The following DFFB variants were observed in gnomAD, a reference collection of about 807,000 sequenced individuals.
DFFB encodes the protein DNA fragmentation factor 40 kDa subunit.
In DFFB, 29 loss-of-function variants were observed where a neutral mutation model predicts 32.7. The ratio of observed to expected loss-of-function variants is 0.89; its 90% CI spans 0.66 to 1.21. The LOEUF (loss-of-function observed/expected upper bound fraction) is 1.21, where lower values mean the gene tolerates loss of function less well. Among genes scored for constraint, DFFB ranks in the 50% most tolerant of loss-of-function variants. DFFB has a pLI of 0.00. For synonymous variants in DFFB, 170 were observed against 177.1 expected, an observed-to-expected ratio of 0.96 and a Z score of 0.32; for missense variants, 398 against 440.6, an observed-to-expected ratio of 0.90 and a Z score of 0.87.
chr1:3,872,357 A>G lies in DFFB; in HGVS notation c.682-115A>G, dbSNP rs373523795. The stretch of plus-strand genomic sequence containing the variant: ...CAACACGGGAGGCGGAGGTTGTAGT[A>G]AGCCGAGATCGGGCCACTGCACTCC... On this transcript the variant is annotated intron_variant, in intron 5 of 6. Coordinates refer to ENST00000378209, the MANE Select transcript of DFFB (RefSeq NM_004402.4). 4.3e-4 allele frequency: 305 copies of G among 708,990 alleles called. 1 individual carries two copies. The highest frequency in any genetic ancestry group is 3.0e-3 in the South Asian group (172 of 56,974). The allele number at this position is 708,990 out of a possible 1,614,324, so 43.9% of individuals were successfully genotyped here. A position where few individuals can be genotyped will look rare whatever the true frequency, so the allele number is the denominator to read the frequency against.
chr1:3,866,121 G>A (rs2124736652), intron 3 of DFFB, 121 bp downstream of exon 3: 1 of 840,290 alleles, frequency 1.2e-6, no homozygotes, highest in Non-Finnish European at 1.9e-6. Context: ...GTTGAGGTGG[G>A]GGACTTGGAA....
In DFFB at chr1:3,869,594, G is replaced by A; in HGVS notation, c.511-11G>A. On this transcript the variant is annotated splice_polypyrimidine_tract_variant and intron_variant, in intron 4 of 6. Coordinates refer to ENST00000378209, the MANE Select transcript of DFFB (RefSeq NM_004402.4). ...TGCACCAGGCTCACCGACGTTCCTT[G>A]GTTCCTCCAGGTGAGCTCCTACCCC... The A allele has an allele frequency of 6.3e-7, 1 of 1,596,902 alleles. No individual in the cohort carries two copies. Among genetic ancestry groups the A allele is most frequent in the Admixed American group, 1.8e-5 (1 of 56,706 alleles).
Position 3,865,498 on chromosome 1 carries a change from G to C in DFFB, c.242-314G>C, listed in dbSNP as rs944534929. ...GATCTGAAAGCAAGGTCTCCAGGAA[G>C]GGCCAAAGTGGGGGGCGTATGGTTT... On this transcript the variant is annotated intron_variant, in intron 2 of 6. Coordinates refer to ENST00000378209, the MANE Select transcript of DFFB (RefSeq NM_004402.4). This position sits in a 1 kb window ranked among gnomAD's most constrained non-coding sequence, Gnocchi z 4.7. The C allele has an allele frequency of 1.9e-6, 1 of 514,202 alleles. No homozygotes were observed. Among genetic ancestry groups the C allele is most frequent in the African/African-American group, 1.9e-5 (1 of 51,896 alleles). 31.9% of individuals were successfully genotyped at this position (514,202 alleles called of 1,614,324 possible).
chr1:3,872,777 C>T (rs1645146391), intron 6 of DFFB, among the ~76,000 whole-genome samples: 1 of 152,212 alleles, frequency 6.6e-6, no homozygotes, highest in African/African-American at 2.4e-5. Context: ...AGTGGGCACA[C>T]ACCATTCCCT....
Position 3,884,011 on chromosome 1 carries a change from G to A in DFFB, c.*270G>A. On this transcript the variant is annotated 3_prime_UTR_variant, in exon 7 of 7. Transcript: ENST00000378209. Reference sequence around the variant, plus strand: ...GCGCGATCTCGGCTCAGCCTCCCGAGTAGCTGGGATTACAGGCATGTGCCA... The same window carrying A: ...GCGCGATCTCGGCTCAGCCTCCCGAATAGCTGGGATTACAGGCATGTGCCA... The A allele has an allele frequency of 2.4e-6, 1 of 422,562 alleles. No individual in the cohort carries two copies. The highest frequency in any genetic ancestry group is 4.3e-6 in the Non-Finnish European group (1 of 231,408). 26.2% of individuals were successfully genotyped at this position (422,562 alleles called of 1,614,324 possible).
At chr1:3,873,952 G>A (rs762844405) in intron 6 of DFFB, among the ~76,000 whole-genome samples, 2 of 152,116 alleles carry the variant, frequency 1.3e-5, no homozygotes, top group Non-Finnish European at 2.9e-5. Context: ...AAACACTATG[G>A]TCATAGTTGA....
chr1:3,873,426 G>A (rs963727059), intron 6 of DFFB, among the ~76,000 whole-genome samples: 1 of 151,646 alleles, frequency 6.6e-6, no homozygotes, highest in Non-Finnish European at 1.5e-5. Context: ...AACGTTTTGC[G>A]ACCAACATGA....
rs1210188832 is a variant in DFFB at position 3,883,774 on chromosome 1, G to C, written c.*33G>C. On this transcript the variant is annotated 3_prime_UTR_variant, in exon 7 of 7. Transcript: ENST00000378209. Reference sequence around the variant, plus strand: ...ACACCACGTCCTGGTCTTTGTTTGAGGCCTGACGTGGGCATCATTTTAACA... The same window carrying C: ...ACACCACGTCCTGGTCTTTGTTTGACGCCTGACGTGGGCATCATTTTAACA... 6.3e-7 allele frequency: 1 copy of C among 1,581,132 alleles called. No individual in the cohort carries two copies. Among genetic ancestry groups the C allele is most frequent in the Non-Finnish European group, 8.7e-7 (1 of 1,153,870 alleles).
At chr1:3,867,807 C>T (rs879133429) in intron 3 of DFFB, 167 bp from the exon 4 acceptor site, 16 of 668,556 alleles carry the variant, frequency 2.4e-5, no homozygotes, top group Middle Eastern at 3.1e-4. Context: ...AAGCTGTGTT[C>T]GTGCCACTGT....
intron 2 of DFFB, among the ~76,000 whole-genome samples, chr1:3,862,222 A>G (rs1644891828): frequency 6.6e-6 from 1 of 152,262 alleles, no homozygotes; most frequent in African/African-American, 2.4e-5. Context: ...AAAGTTTTGA[A>G]TAAATGGATT....
At chr1:3,873,892 A>G (rs1645168673) in intron 6 of DFFB, among the ~76,000 whole-genome samples, 1 of 152,226 alleles carries the variant, frequency 6.6e-6, no homozygotes, top group South Asian at 2.1e-4. Context: ...TCAGATGGGG[A>G]CATTCAACCT....
chr1:3,877,622 G>A lies in DFFB; in HGVS notation c.782+5050G>A, dbSNP rs528704450. On this transcript the variant is annotated intron_variant, in intron 6 of 6. Transcript: ENST00000378209. ...TGGGATCACAGGTGTGAGCCACCGC[G>A]CCTGGCTGGAGTTGTTTTGAGACTG... Among the ~76,000 whole-genome samples the A allele has an allele frequency of 8.5e-5, 13 of 152,282 alleles. No individual in the cohort carries two copies. In the East Asian group the frequency reaches 1.9e-3, roughly 23 times the overall value.
intron 6 of DFFB, among the ~76,000 whole-genome samples, chr1:3,880,338 T>G (rs1645310844): frequency 6.6e-6 from 1 of 152,252 alleles, no homozygotes; most frequent in African/African-American, 2.4e-5. Context: ...CCGCCCCCTC[T>G]GTGCCTCTTA....
chr1:3,873,840 TAA>T (rs978308307), intron 6 of DFFB, among the ~76,000 whole-genome samples: 1 of 152,154 alleles, frequency 6.6e-6, no homozygotes, highest in Admixed American at 6.6e-5. Flanking sequence ...TCCAAAATCC[TAA>T]AAAAATCCCA....
intron 6 of DFFB, among the ~76,000 whole-genome samples, chr1:3,876,927 G>A (rs533175988): frequency 2.6e-5 from 4 of 152,318 alleles, no homozygotes; most frequent in African/African-American, 7.2e-5. Flanking sequence ...GCCCCTGGGC[G>A]GAAGGTGGCA....
At chr1:3,882,242 G>A (rs988882332) in intron 6 of DFFB, among the ~76,000 whole-genome samples, 12 of 151,744 alleles carry the variant, frequency 7.9e-5, no homozygotes, top group South Asian at 2.1e-4. Flanking sequence ...TTTTGTAGAG[G>A]TGGGGTTTCA....
intron 6 of DFFB, among the ~76,000 whole-genome samples, chr1:3,878,444 G>A (rs529835638): frequency 2.0e-5 from 3 of 152,330 alleles, no homozygotes; most frequent in East Asian, 1.9e-4. Context: ...GAGCCACCAC[G>A]CTGAGCCCAC....
At position 3,858,505 on chromosome 1, in the gene DFFB, C is replaced by T. The variant is rs576467696; in HGVS notation, c.115-213C>T. Among the ~76,000 whole-genome samples the T allele has an allele frequency of 2.6e-5, 4 of 152,362 alleles. No individual in the cohort carries two copies. In the East Asian group the frequency reaches 7.7e-4, roughly 29 times the overall value. Reference sequence around the variant, plus strand: ...AGTCACCCCCTGATGTATGTTTTTCCTGACTCTTCGTATTTTAGAACGGCC... The same window carrying T: ...AGTCACCCCCTGATGTATGTTTTTCTTGACTCTTCGTATTTTAGAACGGCC... On this transcript the variant is annotated intron_variant, in intron 1 of 6. Coordinates refer to ENST00000378209, the MANE Select transcript of DFFB (RefSeq NM_004402.4).
At chr1:3,866,221 C>T (rs1267904433) in intron 3 of DFFB, 11 of 677,626 alleles carry the variant, frequency 1.6e-5, no homozygotes, top group South Asian at 3.0e-5. Flanking sequence ...GGGCAGCCCT[C>T]GGATGGGACT....
Sources: gnomAD v4.1 joint callset for allele counts (sites outside exome capture counted in the v4.1 genomes callset) on GRCh38, gnomAD v4.1.1 for gene constraint, Gnocchi (gnomAD v3.1) non-coding constraint, MANE v1.5 for transcripts, NCBI Gene and HGNC (gene_info 2026-07-23, HGNC 2026-07-21) for gene names.